The following NT5DC1 variants were observed in gnomAD, a reference collection of about 807,000 sequenced individuals.
NT5DC1 encodes the protein 5'-nucleotidase domain-containing protein 1.
In NT5DC1, 42 loss-of-function variants were observed where a neutral mutation model predicts 59.4. That is an observed-to-expected ratio of 0.71 (90% CI 0.55 to 0.92). NT5DC1 has a LOEUF of 0.92. Among genes scored for constraint, NT5DC1 ranks in the 40% least tolerant of loss-of-function variants. NT5DC1 has a pLI of 0.00. For synonymous variants in NT5DC1, 172 were observed against 188.1 expected (o/e 0.91, Z 0.70); for missense variants, 501 against 537.1 (o/e 0.93, Z 0.66).
chr6:116,150,927 C>T (rs879474421), intron 6 of NT5DC1, among the ~76,000 whole-genome samples: 5 of 152,054 alleles, frequency 3.3e-5, no homozygotes, highest in Non-Finnish European at 7.4e-5. Flanking sequence ...CTATGATTGA[C>T]ATTTAAATTT....
rs1771880617 is a variant in NT5DC1 at position 116,247,921 on chromosome 6, GATGAAGGGA to G, written c.*3899_*3907del. 6.6e-6 allele frequency: 1 copy of G among 152,132 alleles called. No individual in the cohort carries two copies. Among genetic ancestry groups the G allele is most frequent in the African/African-American group, 2.4e-5 (1 of 41,430 alleles). 9.4% of individuals were successfully genotyped at this position (152,132 alleles called of 1,614,324 possible). A position where few individuals can be genotyped will look rare whatever the true frequency, so the allele number is the denominator to read the frequency against. ...GGTACATTAAATATTCAGTGCCTTTGATGAAGGGAACAAACTGATAATTTCATTCATGTG... is the reference window on the plus strand; with the variant it reads ...GGTACATTAAATATTCAGTGCCTTTGACAAACTGATAATTTCATTCATGTG... On this transcript the variant is annotated 3_prime_UTR_variant, in exon 12 of 12. Coordinates refer to ENST00000319550, the MANE Select transcript of NT5DC1 (RefSeq NM_152729.3).
At position 116,163,141 on chromosome 6, in the gene NT5DC1, A is replaced by AAT. The variant is rs1554197063; in HGVS notation, c.529+45217_529+45218dup. ...GACTCCGTCTCAAAAAAAAAAAAAA[A>AAT]ATATATATATATATATATATATTAG... On this transcript the variant is annotated intron_variant, in intron 6 of 11. Coordinates refer to ENST00000319550, the MANE Select transcript of NT5DC1 (RefSeq NM_152729.3). Among the ~76,000 whole-genome samples, 169 of 88,292 alleles carry AAT rather than the reference A, an allele frequency of 1.9e-3. 1 individual carries two copies. The highest frequency in any genetic ancestry group is 0.014 in the Middle Eastern group (2 of 138). 57.9% of individuals were successfully genotyped at this position (88,292 alleles called of 152,430 possible).
rs1771885732 is a variant in NT5DC1 at position 116,248,237 on chromosome 6, C to G, written c.*4213C>G. The G allele has an allele frequency of 6.6e-6, 1 of 152,156 alleles. No individual in the cohort carries two copies. The highest frequency in any genetic ancestry group is 6.6e-5 in the Admixed American group (1 of 15,266). 9.4% of individuals were successfully genotyped at this position (152,156 alleles called of 1,614,324 possible). On this transcript the variant is annotated 3_prime_UTR_variant, in exon 12 of 12. Coordinates refer to ENST00000319550, the MANE Select transcript of NT5DC1 (RefSeq NM_152729.3). ...ATCTTAGGCAGTTCTACTTTCTGGA[C>G]CTCTGTTTTCTCAACTATTTAAATG...
chr6:116,234,580 G>C (rs1317276864), intron 8 of NT5DC1, among the ~76,000 whole-genome samples: 2 of 151,110 alleles, frequency 1.3e-5, no homozygotes, highest in Non-Finnish European at 3.0e-5. Flanking sequence ...GACTCAAGCA[G>C]TCTGCCTGCC....
At position 116,118,045 on chromosome 6, in the gene NT5DC1, A is replaced by G. The variant is rs775939147; in HGVS notation, c.529+100A>G. 5 of 733,232 alleles carry G rather than the reference A, an allele frequency of 6.8e-6. No homozygotes were observed. The Admixed American group carries it at 1.0e-4, about 15-fold the overall frequency. 45.4% of individuals were successfully genotyped at this position (733,232 alleles called of 1,614,324 possible). Reference sequence around the variant, plus strand: ...AGGTACTTTGCTGTGTATCTTACTTAGGATTTAATTTAAGCTTAAATATTA... The same window carrying G: ...AGGTACTTTGCTGTGTATCTTACTTGGGATTTAATTTAAGCTTAAATATTA... On this transcript the variant is annotated intron_variant, in intron 6 of 11. Transcript: ENST00000319550.
At chr6:116,170,027 C>A (rs2114448875) in intron 6 of NT5DC1, among the ~76,000 whole-genome samples, 1 of 152,250 alleles carries the variant, frequency 6.6e-6, no homozygotes, top group East Asian at 1.9e-4. Context: ...AGTTAATTGG[C>A]CATGGGATTA....
At chr6:116,207,341 T>C (rs1221041518) in intron 6 of NT5DC1, among the ~76,000 whole-genome samples, 1 of 143,442 alleles carries the variant, frequency 7.0e-6, no homozygotes, top group Non-Finnish European at 1.5e-5. Flanking sequence ...TTTTTTATGG[T>C]GGACTTAATG....
intron 6 of NT5DC1, among the ~76,000 whole-genome samples, chr6:116,178,330 C>T (rs900475607): frequency 1.3e-5 from 2 of 152,122 alleles, no homozygotes; most frequent in African/African-American, 4.8e-5. Context: ...GTGGTATGGC[C>T]ATAAGCCCTA....
intron 6 of NT5DC1, among the ~76,000 whole-genome samples, chr6:116,133,126 A>G (rs1254774007): frequency 1.3e-5 from 2 of 152,214 alleles, no homozygotes; most frequent in African/African-American, 2.4e-5. Context: ...CATTACTTGA[A>G]GAGCTCATAG....
chr6:116,138,403 T>C (rs1779676856), intron 6 of NT5DC1, among the ~76,000 whole-genome samples: 1 of 152,200 alleles, frequency 6.6e-6, no homozygotes, highest in African/African-American at 2.4e-5. Flanking sequence ...AAGATTTGTG[T>C]GAAAGTGTAA....
At chr6:116,242,365 A>G (rs912614872) in intron 11 of NT5DC1, among the ~76,000 whole-genome samples, 2 of 152,170 alleles carry the variant, frequency 1.3e-5, no homozygotes, top group African/African-American at 4.8e-5. Context: ...AAAAATAAAA[A>G]TAACAATACC....
At chr6:116,184,104 C>A (rs971048638) in intron 6 of NT5DC1, among the ~76,000 whole-genome samples, 1 of 152,008 alleles carries the variant, frequency 6.6e-6, no homozygotes, top group Admixed American at 6.6e-5. Context: ...GGGTTTTAAT[C>A]ATAAAGAGAT....
chr6:116,110,090 A>G (rs982591645), intron 3 of NT5DC1, among the ~76,000 whole-genome samples: 1 of 152,196 alleles, frequency 6.6e-6, no homozygotes, highest in Non-Finnish European at 1.5e-5. Flanking sequence ...GCAGTTTAAA[A>G]CTTACGAATT....
intron 8 of NT5DC1, among the ~76,000 whole-genome samples, chr6:116,230,483 C>G (rs995974003): frequency 1.3e-5 from 2 of 152,186 alleles, no homozygotes; most frequent in Non-Finnish European, 2.9e-5. Context: ...TTCATGTACA[C>G]GTGAATCACC....
At chr6:116,187,438 T>C (rs965070455) in intron 6 of NT5DC1, among the ~76,000 whole-genome samples, 8 of 152,116 alleles carry the variant, frequency 5.3e-5, no homozygotes, top group African/African-American at 1.9e-4. Flanking sequence ...AGAGGGTCTG[T>C]CCTACAAGAC....
intron 11 of NT5DC1, among the ~76,000 whole-genome samples, chr6:116,242,197 C>A (rs2114566553): frequency 6.6e-6 from 1 of 151,646 alleles, no homozygotes; most frequent in East Asian, 2.0e-4. Context: ...GGTGAAACCC[C>A]ATCTCTACTA....
chr6:116,110,662 G>A (rs577333375), intron 3 of NT5DC1, 188 bp from the exon 4 acceptor site: 2 of 674,528 alleles, frequency 3.0e-6, no homozygotes, highest in Non-Finnish European at 2.7e-6. Context: ...ATTAAAGCGG[G>A]TAAGTGCTAC....
chr6:116,174,898 G>A (rs186665675), intron 6 of NT5DC1, among the ~76,000 whole-genome samples: 4 of 152,158 alleles, frequency 2.6e-5, no homozygotes, highest in Admixed American at 2.6e-4. Context: ...AGGGTTTCTT[G>A]TAGTATTAAA....
At chr6:116,230,201 C>A (rs1378236646) in intron 8 of NT5DC1, among the ~76,000 whole-genome samples, 1 of 152,160 alleles carries the variant, frequency 6.6e-6, no homozygotes, top group African/African-American at 2.4e-5. Flanking sequence ...GCACAGACTT[C>A]TATTTTTGAG....
Sources: allele counts gnomAD v4.1 joint callset (sites outside exome capture counted in the v4.1 genomes callset), GRCh38; gene constraint gnomAD v4.1.1; transcripts MANE v1.5; gene names NCBI Gene and HGNC (gene_info 2026-07-23, HGNC 2026-07-21).